The following PCNX1 variants were observed in gnomAD, a reference collection of about 807,000 sequenced individuals.
The protein encoded by PCNX1 is pecanex-like protein 1.
Under a neutral mutation model 242.2 loss-of-function variants are expected in PCNX1, and 78 were observed. The observed-to-expected ratio is 0.32, with a 90% CI of 0.27 to 0.39. The LOEUF is 0.39. PCNX1 is among the 10% of genes least tolerant of loss of function. PCNX1 has a pLI of 1.00. For missense variants in PCNX1, 2,581 were observed against 2,856.5 expected (o/e 0.90, Z 2.20); for synonymous variants, 1,024 against 1,032.9 (o/e 0.99, Z 0.17).
chr14:71,044,498 A>G (rs1240704375), intron 19 of PCNX1: 1 of 152,316 alleles, frequency 6.6e-6, no homozygotes, highest in African/African-American at 2.4e-5. Context: ...ACAAGTATGC[A>G]TCAAGCTTTT....
At chr14:70,912,253 GA>G (rs968675286) in intron 1 of PCNX1, among the ~76,000 whole-genome samples, 1 of 151,306 alleles carries the variant, frequency 6.6e-6, no homozygotes, top group Non-Finnish European at 1.5e-5. Flanking sequence ...AAAGAAAAAA[GA>G]AAAAAAAGAA....
At chr14:70,988,419 G>A in intron 6 of PCNX1, 148 bp from the exon 7 acceptor site, 1 of 609,672 alleles carries the variant, frequency 1.6e-6, no homozygotes, top group Non-Finnish European at 2.8e-6. Flanking sequence ...TACCTGATAT[G>A]ATAGATTGAC....
chr14:70,988,283 CAACAG>C (rs2059056880), intron 6 of PCNX1, among the ~76,000 whole-genome samples: 1 of 152,120 alleles, frequency 6.6e-6, no homozygotes, highest in African/African-American at 2.4e-5. Flanking sequence ...AAGATTTAAA[CAACAG>C]AGATCTTAAA....
intron 27 of PCNX1, 83 bp from the exon 28 acceptor site, chr14:71,076,106 G>A: frequency 1.2e-6 from 1 of 815,420 alleles, no homozygotes; most frequent in African/African-American, 1.7e-5. Context: ...ATAAATAATT[G>A]GAATTTATTT....
intron 28 of PCNX1, among the ~76,000 whole-genome samples, chr14:71,084,477 C>T (rs1339626226): frequency 6.6e-6 from 1 of 152,156 alleles, no homozygotes; most frequent in Non-Finnish European, 1.5e-5. Flanking sequence ...GGTGCTCTGT[C>T]CCAGGGAGAT....
intron 3 of PCNX1, among the ~76,000 whole-genome samples, chr14:70,966,939 A>G (rs1344225063): frequency 6.6e-6 from 1 of 152,340 alleles, no homozygotes; most frequent in Non-Finnish European, 1.5e-5. Flanking sequence ...GCAAATTGCA[A>G]TGTCTTTTAT....
chr14:70,918,056 AGAG>A (rs1407445216), intron 1 of PCNX1, among the ~76,000 whole-genome samples: 1 of 152,198 alleles, frequency 6.6e-6, no homozygotes, highest in Non-Finnish European at 1.5e-5. Flanking sequence ...AGAATTGAAG[AGAG>A]TTGGGGCCTT....
intron 15 of PCNX1, 106 bp downstream of exon 15, chr14:71,026,988 A>T: frequency 3.7e-6 from 2 of 539,044 alleles, no homozygotes; most frequent in Non-Finnish European, 6.5e-6. Context: ...TTCAGGCTTG[A>T]AATTAGAAAA....
chr14:70,995,082 TATTTC>T (rs1451514485), intron 7 of PCNX1, among the ~76,000 whole-genome samples: 1 of 152,220 alleles, frequency 6.6e-6, no homozygotes, highest in African/African-American at 2.4e-5. Context: ...CACGTGGCCT[TATTTC>T]AGAAAGATGT....
At chr14:70,996,192 T>C (rs1275594612) in intron 8 of PCNX1, among the ~76,000 whole-genome samples, 1 of 152,190 alleles carries the variant, frequency 6.6e-6, no homozygotes. Context: ...CACTCAATTC[T>C]GTTTTTCCCA....
At chr14:71,051,281 A>C (rs1051159837) in intron 23 of PCNX1, among the ~76,000 whole-genome samples, 1 of 152,106 alleles carries the variant, frequency 6.6e-6, no homozygotes, top group African/African-American at 2.4e-5. Context: ...TCTGAACATA[A>C]GAAAACTATA....
In PCNX1 at chr14:70,920,847, A is replaced by G. The variant is rs568167870; in HGVS notation, c.153+12844A>G. Among the ~76,000 whole-genome samples the G allele has an allele frequency of 7.2e-5, 11 of 152,300 alleles. No individual in the cohort carries two copies. The South Asian group carries it at 2.3e-3, about 32-fold the overall frequency. The stretch of plus-strand genomic sequence containing the variant: ...TCCTAGAATGCTTTATGCAGAGGAT[A>G]TTCATACATTCAGAACCTTCACTGT... On this transcript the variant is annotated intron_variant, in intron 1 of 35. Coordinates refer to ENST00000304743, the MANE Select transcript of PCNX1 (RefSeq NM_014982.3).
chr14:70,946,843 A>G, intron 1 of PCNX1, 72 bp from the exon 2 acceptor site: 1 of 1,058,274 alleles, frequency 9.4e-7, no homozygotes, highest in East Asian at 2.6e-5. Context: ...ATTATTTTAG[A>G]TACAGATTTA....
intron 8 of PCNX1, among the ~76,000 whole-genome samples, chr14:71,003,256 T>A (rs191811644): frequency 6.6e-5 from 10 of 151,960 alleles, no homozygotes; most frequent in Non-Finnish European, 1.5e-4. Flanking sequence ...GCTATTTTTT[T>A]ATTTTTGTAT....
At chr14:70,964,491 A>T (rs2058319177) in intron 3 of PCNX1, among the ~76,000 whole-genome samples, 1 of 152,166 alleles carries the variant, frequency 6.6e-6, no homozygotes, top group African/African-American at 2.4e-5. Flanking sequence ...GAAATAACTC[A>T]ATTCTTGAAT....
chr14:70,979,249 T>G (rs1421787105), intron 6 of PCNX1, among the ~76,000 whole-genome samples: 2 of 152,168 alleles, frequency 1.3e-5, no homozygotes, highest in Non-Finnish European at 2.9e-5. Context: ...TTTATTAAAT[T>G]CAGATTTGTA....
Position 71,035,789 on chromosome 14 carries a change from C to T in PCNX1, c.3775-276C>T, listed in dbSNP as rs570986132. Among the ~76,000 whole-genome samples, 10 of 152,264 alleles carry T rather than the reference C, an allele frequency of 6.6e-5. No homozygotes were observed. The East Asian group carries it at 1.4e-3, about 21-fold the overall frequency. ...CTGGGTATGGTGGGGTGTGGTGGCA[C>T]GACCAGCTACCTGGGAGGCTGAGGC... On this transcript the variant is annotated intron_variant, in intron 18 of 35. Coordinates refer to ENST00000304743, the MANE Select transcript of PCNX1 (RefSeq NM_014982.3).
At chr14:71,040,526 GTTC>G (rs2060673148) in intron 19 of PCNX1, among the ~76,000 whole-genome samples, 1 of 151,796 alleles carries the variant, frequency 6.6e-6, no homozygotes, top group South Asian at 2.1e-4. Context: ...TCCTCTAAAC[GTTC>G]TTCATTTTTT....
intron 33 of PCNX1, among the ~76,000 whole-genome samples, chr14:71,106,771 TC>T (rs2062634223): frequency 6.6e-6 from 1 of 152,194 alleles, no homozygotes; most frequent in African/African-American, 2.4e-5. Flanking sequence ...CCTAGTTACA[TC>T]TTTTGCCTAT....
Sources: allele counts gnomAD v4.1 joint callset (sites outside exome capture counted in the v4.1 genomes callset), GRCh38; gene constraint gnomAD v4.1.1; transcripts MANE v1.5; gene names NCBI Gene and HGNC (gene_info 2026-07-23, HGNC 2026-07-21).